The following TRIM51G variants were observed in gnomAD, a reference collection of about 807,000 sequenced individuals.
The protein encoded by TRIM51G is tripartite motif-containing protein 51G.
chr11:48,982,817 G>A, the TRIM51G span, among the ~76,000 whole-genome samples: 5 of 137,718 alleles, frequency 3.6e-5, no homozygotes, highest in South Asian at 2.6e-4. Context: ...ACATCATAGG[G>A]TATACTTACA....
chr11:48,978,880 G>C, the TRIM51G span: 1 of 1,393,448 alleles, frequency 7.2e-7, no homozygotes, highest in Non-Finnish European at 1.0e-6. Flanking sequence ...ACCTGGAATA[G>C]CTCCACAACT....
At chr11:48,980,614 G>A in the TRIM51G span, among the ~76,000 whole-genome samples, 1 of 152,070 alleles carries the variant, frequency 6.6e-6, no homozygotes, top group Non-Finnish European at 1.5e-5. Context: ...TATCCAGGCA[G>A]CCCACTGGGA....
chr11:48,981,532 C>G, the TRIM51G span: 1 of 1,603,434 alleles, frequency 6.2e-7, no homozygotes, highest in Non-Finnish European at 8.5e-7. Context: ...TGTCTTCTTG[C>G]ATTTAGAGCA....
At chr11:48,982,306 T>C in the TRIM51G span, among the ~76,000 whole-genome samples, 2 of 152,098 alleles carry the variant, frequency 1.3e-5, no homozygotes, top group African/African-American at 4.8e-5. Flanking sequence ...AACTTCTTCT[T>C]TGGGCTACTC....
the TRIM51G span, among the ~76,000 whole-genome samples, chr11:48,976,664 T>G: frequency 6.6e-6 from 1 of 152,158 alleles, no homozygotes; most frequent in Non-Finnish European, 1.5e-5. Context: ...ATATATTTAT[T>G]GTAAGAAAAT....
the TRIM51G span, chr11:48,975,616 T>C: frequency 7.1e-7 from 1 of 1,399,792 alleles, no homozygotes; most frequent in Non-Finnish European, 1.0e-6. Flanking sequence ...ACCTTCACAA[T>C]CCAGGAATAA....
At chr11:48,980,122 T>TTG in the TRIM51G span, among the ~76,000 whole-genome samples, 102 of 152,144 alleles carry the variant, frequency 6.7e-4, no homozygotes, top group African/African-American at 2.2e-3. Flanking sequence ...ATTGCAAGAT[T>TTG]TGTGTTTTCT....
chr11:48,977,806 A>G, the TRIM51G span, among the ~76,000 whole-genome samples: 1 of 152,126 alleles, frequency 6.6e-6, no homozygotes, highest in South Asian at 2.1e-4. Context: ...TCTTGCAAAT[A>G]TGAAGGCTTT....
the TRIM51G span, among the ~76,000 whole-genome samples, chr11:48,976,525 C>A: frequency 2.6e-5 from 4 of 152,114 alleles, no homozygotes; most frequent in African/African-American, 9.6e-5. Flanking sequence ...TAGACTGAAA[C>A]TGAACTTTAA....
the TRIM51G span, among the ~76,000 whole-genome samples, chr11:48,982,571 T>C: frequency 1.3e-4 from 20 of 152,062 alleles, no homozygotes; most frequent in African/African-American, 4.3e-4. Context: ...AGACTGAAGA[T>C]AAAGGGCAGA....
chr11:48,977,651 T>C, the TRIM51G span, among the ~76,000 whole-genome samples: 3 of 152,140 alleles, frequency 2.0e-5, no homozygotes, highest in Non-Finnish European at 4.4e-5. Context: ...ACATTCCAAA[T>C]AGTTTGTTTC....
chr11:48,981,328 T>C, the TRIM51G span: 2 of 1,606,680 alleles, frequency 1.2e-6, no homozygotes, highest in South Asian at 2.2e-5. Flanking sequence ...GTGTCTGTGA[T>C]TCCGGTGCTC....
At chr11:48,982,615 G>A in the TRIM51G span, among the ~76,000 whole-genome samples, 2 of 151,906 alleles carry the variant, frequency 1.3e-5, no homozygotes, top group African/African-American at 2.4e-5. Context: ...TCCTGAAGCT[G>A]ATTCTAACTC....
At chr11:48,981,604 CCA>C in the TRIM51G span, 327 of 1,601,550 alleles carry the variant, frequency 2.0e-4, 3 homozygotes, top group East Asian at 5.6e-3. Context: ...AAAGCTGTGC[CCA>C]CAGTCTATGG....
At chr11:48,977,098 G>C in the TRIM51G span, 2 of 1,114,168 alleles carry the variant, frequency 1.8e-6, no homozygotes, top group African/African-American at 3.0e-5. Flanking sequence ...TGAATCCCTT[G>C]AGCCTGTCCA....
At chr11:48,979,005 T>C in the TRIM51G span, 838 of 1,346,210 alleles carry the variant, frequency 6.2e-4, 4 homozygotes, top group African/African-American at 0.01. Context: ...GCCCTCCTTT[T>C]GCAGCCTCTC....
the TRIM51G span, chr11:48,981,228 G>A: frequency 6.3e-6 from 10 of 1,594,474 alleles, no homozygotes; most frequent in Admixed American, 1.7e-5. Context: ...AAGGAAATAG[G>A]CTGACAAGAA....
At chr11:48,982,928 A>C in the TRIM51G span, among the ~76,000 whole-genome samples, 2 of 110,592 alleles carry the variant, frequency 1.8e-5, no homozygotes, top group African/African-American at 3.4e-5. Context: ...CAATTGTACC[A>C]GAGTTGTAAG....
At chr11:48,975,500 A>G in the TRIM51G span, 1 of 1,384,174 alleles carries the variant, frequency 7.2e-7, no homozygotes, top group Admixed American at 1.7e-5. Flanking sequence ...TTCTCTGGTC[A>G]GAAGTGACTA....
Sources: allele counts gnomAD v4.1 joint callset (sites outside exome capture counted in the v4.1 genomes callset), GRCh38; gene constraint gnomAD v4.1.1; transcripts MANE v1.5; gene names NCBI Gene and HGNC (gene_info 2026-07-23, HGNC 2026-07-21).